The following FOXN3 variants were observed in gnomAD, a reference collection of about 807,000 sequenced individuals.
The protein encoded by FOXN3 is forkhead box N3.
In FOXN3, 7 loss-of-function variants were observed where a neutral mutation model predicts 38.4. The ratio of observed to expected loss-of-function variants is 0.18; its 90% CI spans 0.10 to 0.34. The LOEUF is 0.34. Ranked by LOEUF, FOXN3 falls within the 10% of genes least tolerant of loss-of-function variation. The pLI is 1.00. For missense variants in FOXN3, 456 were observed against 613.4 expected, an observed-to-expected ratio of 0.74 and a Z score of 2.71; for synonymous variants, 230 against 242.2, an observed-to-expected ratio of 0.95 and a Z score of 0.47.
At chr14:89,606,026 TAA>T (rs539954171) in intron 1 of FOXN3, among the ~76,000 whole-genome samples, 1 of 147,634 alleles carries the variant, frequency 6.8e-6, no homozygotes, top group African/African-American at 2.5e-5. Flanking sequence ...TCTGTGAGAT[TAA>T]AAAAAAAAGT....
At chr14:89,280,843 A>G (rs1596150489) in intron 4 of FOXN3, 107 bp downstream of exon 4, 1 of 884,356 alleles carries the variant, frequency 1.1e-6, no homozygotes, top group Non-Finnish European at 1.8e-6. Context: ...GAAAGCGGCC[A>G]CTCCTAAACG....
chr14:89,208,109 C>A (rs1268770236), intron 4 of FOXN3, among the ~76,000 whole-genome samples: 1 of 152,182 alleles, frequency 6.6e-6, no homozygotes, highest in African/African-American at 2.4e-5. Flanking sequence ...CAGCAGGCAT[C>A]ACTGTACATA....
chr14:89,481,791 A>G (rs996285419), intron 1 of FOXN3, among the ~76,000 whole-genome samples: 10 of 152,198 alleles, frequency 6.6e-5, no homozygotes, highest in Admixed American at 3.9e-4. Flanking sequence ...CTCTTAGAAG[A>G]GTCTCAATAA....
At chr14:89,238,537 T>C (rs1885045241) in intron 4 of FOXN3, among the ~76,000 whole-genome samples, 1 of 152,200 alleles carries the variant, frequency 6.6e-6, no homozygotes, top group Non-Finnish European at 1.5e-5. Flanking sequence ...TTCGGCAGCC[T>C]ACGGGACACA....
intron 1 of FOXN3, among the ~76,000 whole-genome samples, chr14:89,452,800 A>C (rs1566661174): frequency 6.6e-6 from 1 of 152,244 alleles, no homozygotes; most frequent in East Asian, 1.9e-4. Flanking sequence ...AAAAACCTGA[A>C]CATATAAACC....
intron 4 of FOXN3, among the ~76,000 whole-genome samples, chr14:89,197,262 C>A (rs1566926795): frequency 6.6e-6 from 1 of 152,216 alleles, no homozygotes; most frequent in African/African-American, 2.4e-5. Flanking sequence ...AATCCCACCA[C>A]TTTGGGAGGC....
chr14:89,474,787 A>T (rs1043965050), intron 1 of FOXN3, among the ~76,000 whole-genome samples: 8 of 152,152 alleles, frequency 5.3e-5, no homozygotes, highest in African/African-American at 1.9e-4. Flanking sequence ...GTGGTAATTT[A>T]GATGTTTACA....
intron 1 of FOXN3, among the ~76,000 whole-genome samples, chr14:89,570,067 C>A (rs1895459786): frequency 1.3e-5 from 2 of 151,014 alleles, no homozygotes; most frequent in Non-Finnish European, 2.9e-5. Flanking sequence ...GTGGCGCAAT[C>A]TCGGCTCACT....
intron 2 of FOXN3, among the ~76,000 whole-genome samples, chr14:89,367,854 G>A (rs1004728520): frequency 6.6e-6 from 1 of 151,952 alleles, no homozygotes; most frequent in African/African-American, 2.4e-5. Flanking sequence ...CCCTCCCCTC[G>A]TCTCCCAGAG....
intron 4 of FOXN3, among the ~76,000 whole-genome samples, chr14:89,209,098 C>T (rs1481908203): frequency 6.6e-6 from 1 of 152,224 alleles, no homozygotes; most frequent in East Asian, 1.9e-4. Flanking sequence ...TAAAACACTT[C>T]GGACTCACTG....
intron 1 of FOXN3, among the ~76,000 whole-genome samples, chr14:89,543,648 G>C (rs1453113215): frequency 1.3e-5 from 2 of 152,264 alleles, no homozygotes; most frequent in African/African-American, 2.4e-5. Context: ...CAGGCAGCCC[G>C]GACTACACAA....
rs548488582 is a variant in FOXN3 at position 89,394,297 on chromosome 14, G to A, written c.543+17637C>T. 1.9e-3 allele frequency among the ~76,000 whole-genome samples: 260 copies of A among 138,872 alleles called. 2 individuals are homozygous for A. Among genetic ancestry groups the A allele is most frequent in the African/African-American group, 6.8e-3 (246 of 36,154 alleles). The allele number at this position is 138,872 out of a possible 152,430, so 91.1% of individuals were successfully genotyped here. A position where few individuals can be genotyped will look rare whatever the true frequency, so the allele number is the denominator to read the frequency against. On this transcript the variant is annotated intron_variant, in intron 2 of 5. Transcript: ENST00000557258. The stretch of plus-strand genomic sequence containing the variant: ...CAACTCACTGAAACCTCTGCCTCCC[G>A]AGTTCAAGCAATTCTCCTGCCTCAG...
intron 1 of FOXN3, among the ~76,000 whole-genome samples, chr14:89,513,194 A>T (rs2139811382): frequency 6.7e-6 from 1 of 150,124 alleles, no homozygotes; most frequent in South Asian, 2.1e-4. Flanking sequence ...GAAACTAGGT[A>T]GTCACAGCTT....
chr14:89,357,849 T>C (rs897899942), intron 2 of FOXN3, among the ~76,000 whole-genome samples: 1 of 152,196 alleles, frequency 6.6e-6, no homozygotes, highest in Non-Finnish European at 1.5e-5. Flanking sequence ...ATTCTCGCTA[T>C]TATGCAACGC....
chr14:89,463,107 G>C (rs934147304), intron 1 of FOXN3, among the ~76,000 whole-genome samples: 1 of 149,864 alleles, frequency 6.7e-6, no homozygotes, highest in South Asian at 2.2e-4. Context: ...GGCTAACACG[G>C]TGAAACCCCG....
intron 1 of FOXN3, among the ~76,000 whole-genome samples, chr14:89,526,179 T>C (rs1223290606): frequency 6.6e-6 from 1 of 152,196 alleles, no homozygotes; most frequent in Non-Finnish European, 1.5e-5. Flanking sequence ...ATATCAGGAC[T>C]GAATGCTTCC....
intron 2 of FOXN3, among the ~76,000 whole-genome samples, chr14:89,371,151 G>T (rs534259243): frequency 4.8e-4 from 73 of 152,184 alleles, no homozygotes; most frequent in African/African-American, 1.7e-3. Context: ...TAGCACCCAA[G>T]AGTCACCAGG....
rs955245896 is a variant in FOXN3, at chr14:89,484,950, G to C, written c.-14-72460C>G. Among the ~76,000 whole-genome samples, 1 of 152,020 alleles carries C rather than the reference G, an allele frequency of 6.6e-6. No individual in the cohort carries two copies. Among genetic ancestry groups the C allele is most frequent in the Non-Finnish European group, 1.5e-5 (1 of 68,008 alleles). On this transcript the variant is annotated intron_variant, in intron 1 of 6. Transcript: ENST00000345097. The surrounding 1 kb of genome is among the most constrained non-coding windows in gnomAD (Gnocchi z 4.0). ...GAGGATCACTTGAGGTCAGGAGTTC[G>C]AGACCAGCCTGGCCAATATGGTGAA...
At chr14:89,439,770 C>T (rs1306328112) in intron 1 of FOXN3, among the ~76,000 whole-genome samples, 2 of 151,680 alleles carry the variant, frequency 1.3e-5, no homozygotes, top group Non-Finnish European at 2.9e-5. Flanking sequence ...ATTCTCCTGC[C>T]TCAGCCTCCA....
Sources: allele counts gnomAD v4.1 joint callset (sites outside exome capture counted in the v4.1 genomes callset), GRCh38; gene constraint gnomAD v4.1.1; non-coding constraint Gnocchi (gnomAD v3.1); transcripts MANE v1.5; gene names NCBI Gene and HGNC (gene_info 2026-07-23, HGNC 2026-07-21).